The following CADM2 variants were observed in gnomAD, a reference collection of about 807,000 sequenced individuals.
CADM2 encodes cell adhesion molecule 2.
In CADM2, 12 loss-of-function variants were observed where a neutral mutation model predicts 49.8. The ratio of observed to expected loss-of-function variants is 0.24; its 90% CI spans 0.15 to 0.39. The LOEUF (loss-of-function observed/expected upper bound fraction) is 0.39. Among genes scored for constraint, CADM2 ranks in the 10% least tolerant of loss-of-function variants. CADM2 has a pLI of 1.00. For synonymous variants in CADM2, 214 were observed against 175.4 expected, an observed-to-expected ratio of 1.22 and a Z score of -1.74; for missense variants, 378 against 492.3, an observed-to-expected ratio of 0.77 and a Z score of 2.20.
At chr3:85,852,348 G>T (rs1410599057) in intron 3 of CADM2, among the ~76,000 whole-genome samples, 2 of 151,944 alleles carry the variant, frequency 1.3e-5, no homozygotes, top group African/African-American at 4.8e-5. Context: ...GTGTATATTT[G>T]TTTTTTTCTC....
chr3:86,022,924 TA>T (rs1733379646), intron 8 of CADM2, among the ~76,000 whole-genome samples: 1 of 152,140 alleles, frequency 6.6e-6, no homozygotes, highest in Non-Finnish European at 1.5e-5. Context: ...ACTTTTTTAG[TA>T]ACACTAAAAC....
intron 1 of CADM2, among the ~76,000 whole-genome samples, chr3:85,665,652 A>G (rs1577047376): frequency 6.6e-6 from 1 of 151,970 alleles, no homozygotes; most frequent in East Asian, 1.9e-4. Flanking sequence ...TGTGTCTTTA[A>G]AAGCATCCTT....
chr3:85,041,254 T>C (rs1231786790), intron 1 of CADM2, among the ~76,000 whole-genome samples: 1 of 152,190 alleles, frequency 6.6e-6, no homozygotes, highest in African/African-American at 2.4e-5. Flanking sequence ...ATATTTCATC[T>C]TTTTGCTTCC....
chr3:85,758,785 A>G (rs2107892111), intron 2 of CADM2, among the ~76,000 whole-genome samples: 1 of 152,242 alleles, frequency 6.6e-6, no homozygotes, highest in East Asian at 1.9e-4. Flanking sequence ...TCTCACATTA[A>G]TGAGTCTTTT....
At chr3:85,735,815 G>A (rs545609371) in intron 2 of CADM2, among the ~76,000 whole-genome samples, 50 of 152,148 alleles carry the variant, frequency 3.3e-4, no homozygotes, top group African/African-American at 1.1e-3. Context: ...CGAAAAGACA[G>A]GACTAACACA....
intron 1 of CADM2, among the ~76,000 whole-genome samples, chr3:84,993,775 A>T (rs2033025600): frequency 6.6e-6 from 1 of 152,180 alleles, no homozygotes; most frequent in Non-Finnish European, 1.5e-5. Context: ...AGAACAGAGA[A>T]TGCACTATGA....
At chr3:85,165,091 T>C (rs1281882549) in intron 1 of CADM2, among the ~76,000 whole-genome samples, 1 of 151,872 alleles carries the variant, frequency 6.6e-6, no homozygotes, top group African/African-American at 2.4e-5. Flanking sequence ...AATGGGATTT[T>C]AAGTTAATTT....
At chr3:85,601,935 G>A in intron 1 of CADM2, among the ~76,000 whole-genome samples, 1 of 151,690 alleles carries the variant, frequency 6.6e-6, no homozygotes, top group East Asian at 1.9e-4. Context: ...TAGATGCAAA[G>A]TCAGCTGAAA....
At chr3:85,824,710 A>T (rs1336770179) in intron 3 of CADM2, among the ~76,000 whole-genome samples, 1 of 152,066 alleles carries the variant, frequency 6.6e-6, no homozygotes, top group Admixed American at 6.6e-5. Context: ...ATGTCATTTC[A>T]CTTTCTGGGT....
At chr3:86,059,478 C>A (rs551555624) in intron 8 of CADM2, among the ~76,000 whole-genome samples, 1 of 152,260 alleles carries the variant, frequency 6.6e-6, no homozygotes, top group South Asian at 2.1e-4. Flanking sequence ...TTTACAATAT[C>A]TTTTGTGTTT....
At chr3:85,767,125 A>G (rs940945382) in intron 2 of CADM2, among the ~76,000 whole-genome samples, 6 of 152,210 alleles carry the variant, frequency 3.9e-5, no homozygotes, top group African/African-American at 7.2e-5. Flanking sequence ...GTAACAAAGT[A>G]TGTACCATAA....
At chr3:85,686,008 T>C (rs1056934190) in intron 1 of CADM2, among the ~76,000 whole-genome samples, 11 of 152,218 alleles carry the variant, frequency 7.2e-5, no homozygotes, top group Non-Finnish European at 1.3e-4. Context: ...AGAGAGTGTA[T>C]TATAAATTCA....
chr3:85,040,455 C>T (rs940632238), intron 1 of CADM2, among the ~76,000 whole-genome samples: 4 of 151,934 alleles, frequency 2.6e-5, no homozygotes, highest in Admixed American at 6.6e-5. Context: ...TGCAGATTAG[C>T]GTCTGAAACT....
intron 1 of CADM2, among the ~76,000 whole-genome samples, chr3:85,411,070 A>G (rs920331796): frequency 1.3e-5 from 2 of 152,238 alleles, no homozygotes; most frequent in Admixed American, 1.3e-4. Flanking sequence ...CTGAAGTACA[A>G]AAATGCATTC....
intron 1 of CADM2, among the ~76,000 whole-genome samples, chr3:85,664,751 G>T (rs985970599): frequency 6.6e-6 from 1 of 151,832 alleles, no homozygotes; most frequent in Non-Finnish European, 1.5e-5. Context: ...AGAGTCCTTA[G>T]ATCAGACATT....
rs144677158 is a variant in CADM2, at chr3:85,559,655, A to AACACAC, written c.62-166839_62-166834dup. On this transcript the variant is annotated intron_variant, in intron 1 of 9. Coordinates refer to ENST00000383699, the MANE Select transcript of CADM2 (RefSeq NM_001167675.2). ...ATTGCTTAAGCCATGATTTAAAAGA[A>AACACAC]ACACACACACACACACACACACACA... Among the ~76,000 whole-genome samples the AACACAC allele has an allele frequency of 7.2e-3, 795 of 111,064 alleles. 5 individuals are homozygous for AACACAC. Among genetic ancestry groups the AACACAC allele is most frequent in the Non-Finnish European group, 0.01 (508 of 49,152 alleles). The allele number at this position is 111,064 out of a possible 152,430, so 72.9% of individuals were successfully genotyped here. A position where few individuals can be genotyped will look rare whatever the true frequency, so the allele number is the denominator to read the frequency against.
intron 1 of CADM2, among the ~76,000 whole-genome samples, chr3:85,448,243 G>T (rs566286368): frequency 1.4e-3 from 214 of 150,942 alleles, no homozygotes; most frequent in African/African-American, 5.0e-3. Flanking sequence ...TGAGGCAGGA[G>T]AATGGCGAGA....
intron 1 of CADM2, among the ~76,000 whole-genome samples, chr3:85,724,127 A>G (rs1027047886): frequency 1.3e-5 from 2 of 152,064 alleles, no homozygotes; most frequent in African/African-American, 4.8e-5. Context: ...ATTAAAACAA[A>G]TAGTAGGTAA....
chr3:86,008,665 C>T (rs1241906677), intron 8 of CADM2, among the ~76,000 whole-genome samples: 1 of 151,936 alleles, frequency 6.6e-6, no homozygotes, highest in Non-Finnish European at 1.5e-5. Context: ...GGAATCTTGA[C>T]CTGTGCTAAT....
Sources: allele counts gnomAD v4.1 joint callset (sites outside exome capture counted in the v4.1 genomes callset), GRCh38; gene constraint gnomAD v4.1.1; transcripts MANE v1.5; gene names NCBI Gene and HGNC (gene_info 2026-07-23, HGNC 2026-07-21).